Variants in PPFIA3 observed in about 807,000 individuals in gnomAD.
The protein encoded by PPFIA3 is PPFI scaffold protein A3, also known as liprin-alpha-3.
PPFIA3 carries 26 observed loss-of-function variants against 145.8 expected under a neutral mutation model. That is an observed-to-expected ratio of 0.18 (90% CI 0.13 to 0.25). The LOEUF (loss-of-function observed/expected upper bound fraction) is 0.25, where lower values mean the gene tolerates loss of function less well. Ranked by LOEUF, PPFIA3 falls within the 10% of genes least tolerant of loss-of-function variation. The pLI is 1.00. For synonymous variants in PPFIA3, 645 were observed against 661.4 expected, an observed-to-expected ratio of 0.98 and a Z score of 0.38; for missense variants, 1,008 against 1,587.8, an observed-to-expected ratio of 0.63 and a Z score of 6.21.
At chr19:49,143,153 T>C in intron 21 of PPFIA3, 149 bp downstream of exon 21, 2 of 909,060 alleles carry the variant, frequency 2.2e-6, no homozygotes, top group Non-Finnish European at 3.3e-6. Context: ...CCTCCACTCC[T>C]AACTTGGCCT....
chr19:49,134,488 G>T lies in PPFIA3; in HGVS notation c.1378-151G>T, dbSNP rs2041113766. 15 of 774,404 alleles carry T rather than the reference G, an allele frequency of 1.9e-5. 1 individual carries two copies. The South Asian group carries it at 2.3e-4, about 12-fold the overall frequency. 48.0% of individuals were successfully genotyped at this position (774,404 alleles called of 1,614,324 possible). ...CGGGGCTTCTCTCCCCAGAAACATC[G>T]TTGCCCCTGCTCCCCCGAAACTCAC... On this transcript the variant is annotated intron_variant, in intron 11 of 29. Transcript: ENST00000334186.
intron 20 of PPFIA3, 124 bp from the exon 21 acceptor site, chr19:49,142,680 T>C: frequency 1.4e-6 from 1 of 719,558 alleles, no homozygotes. Context: ...CCTTGCGAAC[T>C]TTCCCACGTC....
At position 49,145,993 on chromosome 19, in the gene PPFIA3, C is replaced by T. The variant is rs1441284010; in HGVS notation, c.2796C>T (p.Ala932=). ...ACGAGGAGATGGAGTCCCTTACGGC[C>T]ACGACCAAGCCCGTGAGTGCCCCCT... The part of the protein sequence containing the change: ...MTHEEMESLT[A]TTKPETKEIS... Residue 932 remains alanine, a synonymous_variant, in exon 22 of 30, where the codon GCC becomes GCT. Transcript: ENST00000334186. 4.3e-6 allele frequency: 7 copies of T among 1,614,094 alleles called. No individual in the cohort carries two copies. Among genetic ancestry groups the T allele is most frequent in the Non-Finnish European group, 5.1e-6 (6 of 1,179,982 alleles).
intron 13 of PPFIA3, among the ~76,000 whole-genome samples, chr19:49,135,563 A>C (rs1208404625): frequency 6.6e-6 from 1 of 151,520 alleles, no homozygotes; most frequent in Non-Finnish European, 1.5e-5. Flanking sequence ...TAGTAGAGAC[A>C]GGGCTTCACC....
intron 19 of PPFIA3, 55 bp from the exon 20 acceptor site, chr19:49,141,979 G>C: frequency 7.0e-7 from 1 of 1,434,988 alleles, no homozygotes; most frequent in Admixed American, 2.0e-5. Flanking sequence ...GCCATCCACA[G>C]AGCAGGGGGT....
In PPFIA3 at chr19:49,137,628, C is replaced by CAAAAAAA. The variant is rs3032695; in HGVS notation, c.1854-553_1854-547dup. On this transcript the variant is annotated intron_variant, in intron 15 of 29. Coordinates refer to ENST00000334186, the MANE Select transcript of PPFIA3 (RefSeq NM_003660.4). ...TGGGCTACAGAGCGAGACTCCGTGT[C>CAAAAAAA]AAAAAAAAAAAAAAAAAAAAAAAAA... 4.7e-3 allele frequency among the ~76,000 whole-genome samples: 207 copies of CAAAAAAA among 43,784 alleles called. 27 individuals carry two copies. Among genetic ancestry groups the CAAAAAAA allele is most frequent in the Non-Finnish European group, 7.0e-3 (169 of 24,154 alleles). The allele number at this position is 43,784 out of a possible 152,430, so 28.7% of individuals were successfully genotyped here.
At chr19:49,148,324 A>G in intron 24 of PPFIA3, 66 bp downstream of exon 24, 1 of 1,524,064 alleles carries the variant, frequency 6.6e-7, no homozygotes, top group Non-Finnish European at 8.8e-7. Context: ...TCTTTGGCCA[A>G]TAGGATTGGC....
rs764961291 is a variant in PPFIA3, at chr19:49,133,776, C to T, written c.1162-20C>T. ...TGATCCTGGAAGGGTAAGTCACACG[C>T]CATGGGTTCCATCTCCTAGGCCGAG... is the stretch of plus-strand genomic sequence containing the variant. On this transcript the variant is annotated intron_variant, in intron 9 of 29. Transcript: ENST00000334186. The surrounding 1 kb of genome is among the most constrained non-coding windows in gnomAD (Gnocchi z 7.2). 1.2e-6 allele frequency: 2 copies of T among 1,611,896 alleles called. No homozygotes were observed. Among genetic ancestry groups the T allele is most frequent in the Admixed American group, 3.3e-5 (2 of 59,918 alleles).
intron 28 of PPFIA3, 39 bp from the exon 29 acceptor site, chr19:49,150,041 G>T: frequency 6.3e-7 from 1 of 1,585,392 alleles, no homozygotes; most frequent in Non-Finnish European, 8.6e-7. Flanking sequence ...ACAGGGAGGA[G>T]GGTGCTCCAG....
chr19:49,146,040 A>T (rs757353898), intron 22 of PPFIA3, 35 bp downstream of exon 22: 1 of 1,610,822 alleles, frequency 6.2e-7, no homozygotes, highest in Middle Eastern at 1.7e-4. Flanking sequence ...TGGGGGTGGC[A>T]CTAACCTTCT....
intron 20 of PPFIA3, 96 bp from the exon 21 acceptor site, chr19:49,142,708 C>G: frequency 9.7e-7 from 1 of 1,026,448 alleles, no homozygotes; most frequent in African/African-American, 1.6e-5. Context: ...CGCTCCCCAC[C>G]CCCTTGCCTT....
Position 49,149,340 on chromosome 19 carries a change from A to C in PPFIA3, c.3354+15A>C, listed in dbSNP as rs2041315448. The C allele has an allele frequency of 3.1e-6, 5 of 1,613,696 alleles. No homozygotes were observed. The South Asian group carries it at 5.5e-5, about 18-fold the overall frequency. On this transcript the variant is annotated intron_variant, in intron 27 of 29. Coordinates refer to ENST00000334186, the MANE Select transcript of PPFIA3 (RefSeq NM_003660.4). This position sits in a 1 kb window ranked among gnomAD's most constrained non-coding sequence, Gnocchi z 5.7. ...GGCTGGACGAGGTGGGCGCGGCAAC[A>C]GCTCAGAGGGCTCTGCTCCCAGCGG...
At position 49,133,485 on chromosome 19, in the gene PPFIA3, A is replaced by G; in HGVS notation, c.1161+114A>G. The G allele has an allele frequency of 7.7e-7, 1 of 1,302,586 alleles. No individual in the cohort carries two copies. Among genetic ancestry groups the G allele is most frequent in the Non-Finnish European group, 1.0e-6 (1 of 976,332 alleles). 80.7% of individuals were successfully genotyped at this position (1,302,586 alleles called of 1,614,324 possible). Reference sequence around the variant, plus strand: ...AGGTCAGAACCCCGGATTTGGGGGAAAGGGTGGGGCCTAGGGGCTGGGAAA... The same window carrying G: ...AGGTCAGAACCCCGGATTTGGGGGAGAGGGTGGGGCCTAGGGGCTGGGAAA... On this transcript the variant is annotated intron_variant, in intron 9 of 29. Coordinates refer to ENST00000334186, the MANE Select transcript of PPFIA3 (RefSeq NM_003660.4). The surrounding 1 kb of genome is among the most constrained non-coding windows in gnomAD (Gnocchi z 7.2).
intron 1 of PPFIA3, among the ~76,000 whole-genome samples, chr19:49,121,815 T>C (rs981101258): frequency 2.0e-5 from 3 of 152,170 alleles, no homozygotes; most frequent in South Asian, 2.1e-4. Flanking sequence ...TATTTATTTT[T>C]TGTAGAGATG....
Position 49,120,694 on chromosome 19 carries a change from C to T in PPFIA3, c.-16+972C>T, listed in dbSNP as rs1176012885. Among the ~76,000 whole-genome samples, 1 of 152,146 alleles carries T rather than the reference C, an allele frequency of 6.6e-6. No individual in the cohort carries two copies. The highest frequency in any genetic ancestry group is 2.4e-5 in the African/African-American group (1 of 41,426). On this transcript the variant is annotated intron_variant, in intron 1 of 29. Transcript: ENST00000334186. The surrounding 1 kb of genome is among the most constrained non-coding windows in gnomAD (Gnocchi z 4.6). ...CATGACTCCTTTCCTTTGGGGGACCCGGAATGTGATTCTCAATGCAGTTCT... is the reference window on the plus strand; with the variant it reads ...CATGACTCCTTTCCTTTGGGGGACCTGGAATGTGATTCTCAATGCAGTTCT...
In PPFIA3 at chr19:49,149,410, G is replaced by T. The variant is rs554833999; in HGVS notation, c.3354+85G>T. ...GAGGGGGCGGGGCCTGACTATTAATGGTCACGGTTGGAGGCGGGGCCAGGA... is the reference window on the plus strand; with the variant it reads ...GAGGGGGCGGGGCCTGACTATTAATTGTCACGGTTGGAGGCGGGGCCAGGA... On this transcript the variant is annotated intron_variant, in intron 27 of 29. Coordinates refer to ENST00000334186, the MANE Select transcript of PPFIA3 (RefSeq NM_003660.4). This position sits in a 1 kb window ranked among gnomAD's most constrained non-coding sequence, Gnocchi z 5.7. 5.7e-6 allele frequency: 9 copies of T among 1,589,782 alleles called. No homozygotes were observed. The Admixed American group carries it at 1.5e-4, about 27-fold the overall frequency.
intron 13 of PPFIA3, 48 bp from the exon 14 acceptor site, chr19:49,135,731 C>T (rs1454097612): frequency 3.2e-6 from 5 of 1,555,598 alleles, no homozygotes; most frequent in Middle Eastern, 1.7e-4. Flanking sequence ...TACCTCTGTG[C>T]TCTTTTCCTG....
intron 11 of PPFIA3, 152 bp from the exon 12 acceptor site, chr19:49,134,487 C>T: frequency 1.3e-6 from 1 of 771,622 alleles, no homozygotes; most frequent in Non-Finnish European, 2.2e-6. Context: ...CCAGAAACAT[C>T]GTTGCCCCTG....
intron 1 of PPFIA3, among the ~76,000 whole-genome samples, chr19:49,126,441 G>A (rs2041000251): frequency 6.6e-6 from 1 of 151,702 alleles, no homozygotes; most frequent in Admixed American, 6.6e-5. Context: ...TAGTAGAGAC[G>A]GGGGTCACCA....
Sources: gnomAD v4.1 joint callset for allele counts (sites outside exome capture counted in the v4.1 genomes callset) on GRCh38, gnomAD v4.1.1 for gene constraint, Gnocchi (gnomAD v3.1) non-coding constraint, MANE v1.5 for transcripts, NCBI Gene and HGNC (gene_info 2026-07-23, HGNC 2026-07-21) for gene names.